The following CSMD1 variants were observed in gnomAD, a reference collection of about 807,000 sequenced individuals.
CSMD1 encodes CUB and Sushi multiple domains 1, also known as CUB and sushi domain-containing protein 1.
CSMD1 carries 213 observed loss-of-function variants against 417.5 expected under a neutral mutation model. The observed-to-expected ratio is 0.51, with a 90% CI of 0.46 to 0.57. The LOEUF (loss-of-function observed/expected upper bound fraction) is 0.57. CSMD1 is among the 20% of genes least tolerant of loss of function. The pLI is 0.00. For missense variants in CSMD1, 6,923 were observed against 4,529.7 expected (o/e 1.53, Z -15.17); for synonymous variants, 2,862 against 1,736.8 (o/e 1.65, Z -16.11).
intron 62 of CSMD1, among the ~76,000 whole-genome samples, chr8:2,959,790 T>G (rs1803305237): frequency 6.6e-6 from 1 of 152,152 alleles, no homozygotes; most frequent in African/African-American, 2.4e-5. Flanking sequence ...TTGGTTACTT[T>G]AAAAACTAAA....
At chr8:3,774,177 T>G (rs888083303) in intron 5 of CSMD1, among the ~76,000 whole-genome samples, 5 of 152,332 alleles carry the variant, frequency 3.3e-5, no homozygotes, top group South Asian at 2.1e-4. Context: ...TTTTGTGACC[T>G]GCACCGCCTG....
chr8:4,159,755 A>C (rs189324267), intron 3 of CSMD1, among the ~76,000 whole-genome samples: 86 of 152,216 alleles, frequency 5.6e-4, no homozygotes, highest in African/African-American at 1.9e-3. Flanking sequence ...CGCCCGGCTA[A>C]TTTTTTATAT....
intron 1 of CSMD1, among the ~76,000 whole-genome samples, chr8:4,746,330 G>C (rs562885725): frequency 6.6e-6 from 1 of 152,290 alleles, no homozygotes; most frequent in East Asian, 1.9e-4. Flanking sequence ...GCGACTGTAG[G>C]CACTTTGGCA....
intron 5 of CSMD1, among the ~76,000 whole-genome samples, chr8:3,816,275 T>G (rs923099372): frequency 6.6e-6 from 1 of 152,200 alleles, no homozygotes; most frequent in Non-Finnish European, 1.5e-5. Flanking sequence ...CACATTAAAC[T>G]AGCCAGTTGT....
chr8:4,788,612 G>C, intron 1 of CSMD1: 1 of 966,812 alleles, frequency 1.0e-6, no homozygotes, highest in Non-Finnish European at 1.5e-6. Flanking sequence ...GAAATTTTTA[G>C]GGGAAAAACT....
chr8:2,983,681 C>G (rs1271029917), intron 54 of CSMD1, among the ~76,000 whole-genome samples: 1 of 151,990 alleles, frequency 6.6e-6, no homozygotes, highest in East Asian at 1.9e-4. Flanking sequence ...CAGTCTTTGG[C>G]ATCAGCACTC....
At chr8:4,184,017 T>A (rs1469893070) in intron 3 of CSMD1, among the ~76,000 whole-genome samples, 1 of 152,204 alleles carries the variant, frequency 6.6e-6, no homozygotes, top group Admixed American at 6.5e-5. Context: ...AGGGTACAGT[T>A]AATGTTTGCT....
At chr8:3,548,868 C>A (rs1585345018) in intron 10 of CSMD1, among the ~76,000 whole-genome samples, 1 of 152,062 alleles carries the variant, frequency 6.6e-6, no homozygotes, top group East Asian at 1.9e-4. Flanking sequence ...TGGGCTGGGT[C>A]CCGCTCCCTA....
intron 3 of CSMD1, among the ~76,000 whole-genome samples, chr8:4,202,041 G>C (rs1375512792): frequency 1.3e-5 from 2 of 152,120 alleles, no homozygotes; most frequent in African/African-American, 2.4e-5. Context: ...GAATCTCCCA[G>C]TCCTGCTGTG....
chr8:4,432,786 A>T (rs1407465095), intron 2 of CSMD1, among the ~76,000 whole-genome samples: 1 of 152,194 alleles, frequency 6.6e-6, no homozygotes, highest in African/African-American at 2.4e-5. Context: ...GCCAAGCAGT[A>T]ATTTTGGTTA....
In CSMD1 at chr8:3,428,757, T is replaced by G. The variant is rs572362870; in HGVS notation, c.1562-19152A>C. Among the ~76,000 whole-genome samples, 1,268 of 152,292 alleles carry G rather than the reference T, an allele frequency of 8.3e-3. 16 individuals are homozygous for G. Among genetic ancestry groups the G allele is most frequent in the African/African-American group, 0.029 (1,198 of 41,562 alleles). On this transcript the variant is annotated intron_variant, in intron 12 of 69. Coordinates refer to ENST00000635120, the MANE Select transcript of CSMD1 (RefSeq NM_033225.6). ...CATGGAAGAGATAGCTGCACTCCCC[T>G]GTTCACTGCAGAATCATTCACAATA...
chr8:4,579,647 C>A (rs183592332), intron 2 of CSMD1, among the ~76,000 whole-genome samples: 124 of 152,190 alleles, frequency 8.1e-4, no homozygotes, highest in African/African-American at 2.8e-3. Context: ...CAGGTGTGAG[C>A]CATCATGCCC....
intron 7 of CSMD1, among the ~76,000 whole-genome samples, chr8:3,693,189 A>G (rs1197197308): frequency 6.6e-6 from 1 of 152,228 alleles, no homozygotes; most frequent in Non-Finnish European, 1.5e-5. Flanking sequence ...TCAGGAGTCA[A>G]TGAATCAATA....
rs1256036570 is a variant in CSMD1, at chr8:3,312,778, T to C, written c.3632-4275A>G. On this transcript the variant is annotated intron_variant, in intron 23 of 69. Coordinates refer to ENST00000635120, the MANE Select transcript of CSMD1 (RefSeq NM_033225.6). Reference sequence around the variant, plus strand: ...AAACTGTGCCCTTAGAGCCATAGCATGTCAGCATCTCTCAGGTTCTCAAAG... The same window carrying C: ...AAACTGTGCCCTTAGAGCCATAGCACGTCAGCATCTCTCAGGTTCTCAAAG... Among the ~76,000 whole-genome samples, 8 of 148,690 alleles carry C rather than the reference T, an allele frequency of 5.4e-5. No homozygotes were observed. In the East Asian group the frequency reaches 1.6e-3, roughly 29 times the overall value.
chr8:4,751,169 G>C (rs569206124), intron 1 of CSMD1, among the ~76,000 whole-genome samples: 1 of 152,184 alleles, frequency 6.6e-6, no homozygotes, highest in Non-Finnish European at 1.5e-5. Flanking sequence ...TGGATCACCT[G>C]AGGTAAGGAA....
intron 3 of CSMD1, among the ~76,000 whole-genome samples, chr8:4,182,450 T>C (rs1798432177): frequency 6.6e-6 from 1 of 152,104 alleles, no homozygotes; most frequent in African/African-American, 2.4e-5. Flanking sequence ...AATAATAAAA[T>C]GTGGATTAAA....
intron 5 of CSMD1, among the ~76,000 whole-genome samples, chr8:3,788,222 A>G (rs968849148): frequency 1.3e-5 from 2 of 152,242 alleles, no homozygotes; most frequent in Non-Finnish European, 2.9e-5. Flanking sequence ...ACAGGATTTA[A>G]CAGGCATAGA....
At chr8:3,298,324 A>AT (rs1491566732) in intron 25 of CSMD1, among the ~76,000 whole-genome samples, 3 of 152,230 alleles carry the variant, frequency 2.0e-5, no homozygotes, top group Admixed American at 6.5e-5. Context: ...TCCAAACTGC[A>AT]TCAGAACCAT....
intron 7 of CSMD1, among the ~76,000 whole-genome samples, chr8:3,638,533 G>A (rs917710670): frequency 6.6e-6 from 1 of 152,156 alleles, no homozygotes; most frequent in African/African-American, 2.4e-5. Context: ...TAATTCAGGA[G>A]TAGCAGAGAT....
Sources: gnomAD v4.1 joint callset for allele counts (sites outside exome capture counted in the v4.1 genomes callset) on GRCh38, gnomAD v4.1.1 for gene constraint, MANE v1.5 for transcripts, NCBI Gene and HGNC (gene_info 2026-07-23, HGNC 2026-07-21) for gene names.